The following IL4R variants were observed in gnomAD, a reference collection of about 807,000 sequenced individuals.
The protein encoded by IL4R is interleukin 4 receptor, also known as interleukin-4 receptor subunit alpha.
Under a neutral mutation model 41.5 loss-of-function variants are expected in IL4R, and 17 were observed. The ratio of observed to expected loss-of-function variants is 0.41; its 90% CI spans 0.28 to 0.61. The LOEUF is 0.61. IL4R is among the 20% of genes least tolerant of loss of function. The pLI, the probability that IL4R is intolerant of heterozygous loss-of-function variation, is 0.31. For synonymous variants in IL4R, 402 were observed against 422.9 expected, an observed-to-expected ratio of 0.95 and a Z score of 0.61; for missense variants, 974 against 1,043.1, an observed-to-expected ratio of 0.93 and a Z score of 0.91.
Position 27,341,051 on chromosome 16 carries a change from C to G in IL4R, c.70+778C>G, listed in dbSNP as rs1221794368. On this transcript the variant is annotated intron_variant, in intron 3 of 10. Transcript: ENST00000395762. Reference sequence around the variant, plus strand: ...CAGTGTTTGAGCAGAGGATCCATATCATCCATTATGTTCCAAAGGACTCTT... The same window carrying G: ...CAGTGTTTGAGCAGAGGATCCATATGATCCATTATGTTCCAAAGGACTCTT... 3 of 651,072 alleles carry G rather than the reference C, an allele frequency of 4.6e-6. No individual in the cohort carries two copies. In the Admixed American group the frequency reaches 6.4e-5, roughly 14 times the overall value. The allele number at this position is 651,072 out of a possible 1,614,324, so 40.3% of individuals were successfully genotyped here. A position where few individuals can be genotyped will look rare whatever the true frequency, so the allele number is the denominator to read the frequency against.
chr16:27,342,247 T>C lies in IL4R; in HGVS notation c.197T>C (p.Phe66Ser). The change falls in exon 4 of 11, where the codon TTT (phenylalanine) becomes TCT (serine). Residue 66 changes from phenylalanine (F) to serine (S), a missense_variant. Coordinates refer to ENST00000395762, the MANE Select transcript of IL4R (RefSeq NM_000418.4). ...TELRLLYQLVFLLSEAHTCIP... is the reference protein window; with the variant it reads ...TELRLLYQLVSLLSEAHTCIP... ...CTCCGCCTGTTGTACCAGCTGGTTTTTCTGCTCTCCGAGTAAGCCTGCGCT... is the reference window on the plus strand; with the variant it reads ...CTCCGCCTGTTGTACCAGCTGGTTTCTCTGCTCTCCGAGTAAGCCTGCGCT... The C allele has an allele frequency of 5.6e-6, 9 of 1,614,224 alleles. No individual in the cohort carries two copies. The highest frequency in any genetic ancestry group is 6.8e-6 in the Non-Finnish European group (8 of 1,180,020).
At chr16:27,320,019 A>G (rs899192325) in intron 1 of IL4R, among the ~76,000 whole-genome samples, 2 of 152,068 alleles carry the variant, frequency 1.3e-5, no homozygotes, top group African/African-American at 4.8e-5. Flanking sequence ...GGCCTGTGCT[A>G]TCACACCCAG....
At chr16:27,341,165 C>T in intron 3 of IL4R, 2 of 694,794 alleles carry the variant, frequency 2.9e-6, no homozygotes, top group Non-Finnish European at 5.3e-6. Context: ...CTCCGGATCC[C>T]TCTGGGAGGT....
chr16:27,362,926 A>G lies in IL4R; in HGVS notation c.1574A>G (p.Glu525Gly). 6.2e-7 allele frequency: 1 copy of G among 1,614,112 alleles called. No homozygotes were observed. The highest frequency in any genetic ancestry group is 1.3e-5 in the African/African-American group (1 of 75,036). ...PDPLLARHLE[E>G]VEPEMPCVPQ... ...CCACTGCTGGCCAGACACCTGGAGG[A>G]AGTAGAACCCGAGATGCCCTGTGTC... Residue 525 changes from glutamate to glycine, a missense_variant, in exon 11 of 11, where the codon GAA becomes GGA. Physicochemically the swap from Glu to Gly is moderately conservative, Grantham distance 98. This residue lies in a region of IL4R where 682 missense variants were observed against 704.3 expected (regional missense o/e 0.97). Coordinates refer to ENST00000395762, the MANE Select transcript of IL4R (RefSeq NM_000418.4).
chr16:27,341,614 C>G (rs3024539), intron 3 of IL4R, among the ~76,000 whole-genome samples: 3,061 of 152,226 alleles, frequency 0.02, 99 homozygotes, highest in African/African-American at 0.069. Context: ...TCCATCTCCT[C>G]TCTCCCATTG....
chr16:27,337,309 G>A (rs12445247), intron 2 of IL4R, among the ~76,000 whole-genome samples: 60,821 of 151,682 alleles, frequency 0.4, 13,145 homozygotes, highest in Non-Finnish European at 0.46. Flanking sequence ...TGCACACAGT[G>A]CTTCAGAGGC....
intron 3 of IL4R, chr16:27,341,265 A>G (rs1359489112): frequency 1.6e-6 from 1 of 640,138 alleles, no homozygotes; most frequent in Admixed American, 2.4e-5. Flanking sequence ...AACTACTGGG[A>G]AGGACGCGGT....
intron 1 of IL4R, among the ~76,000 whole-genome samples, chr16:27,328,057 A>G (rs2085009648): frequency 6.6e-6 from 1 of 151,768 alleles, no homozygotes; most frequent in South Asian, 2.1e-4. Flanking sequence ...TAAAAATACA[A>G]AAATTAGCCA....
At chr16:27,320,161 G>A (rs768063215) in intron 1 of IL4R, among the ~76,000 whole-genome samples, 18 of 152,094 alleles carry the variant, frequency 1.2e-4, no homozygotes, top group South Asian at 2.1e-4. Flanking sequence ...GCCACTGCAC[G>A]CGGCCCTGGG....
rs139061387 is a variant in IL4R at position 27,362,431 on chromosome 16, G to A, written c.1079G>A (p.Arg360Gln). ...TGGCCAGAGAGCATCAGCGTGGTGC[G>A]ATGTGTGGAGTTGTTTGAGGCCCCG... ...VLWPESISVV[R>Q]CVELFEAPVE... Residue 360 changes from arginine (R) to glutamine (Q), a missense_variant, in exon 11 of 11, where the codon CGA (arginine) becomes CAA (glutamine). Coordinates refer to ENST00000395762, the MANE Select transcript of IL4R (RefSeq NM_000418.4). 5.4e-5 allele frequency: 87 copies of A among 1,614,030 alleles called. No homozygotes were observed. The highest frequency in any genetic ancestry group is 6.7e-5 in the Admixed American group (4 of 60,002).
rs1014468977 is a variant in IL4R, at chr16:27,346,553, G to T, written c.448G>T (p.Asp150Tyr). The change falls in exon 6 of 11, where the codon GAC becomes TAC. Residue 150 changes from aspartate to tyrosine, a missense_variant. Asp to Tyr is a radical substitution (Grantham distance 160). Around this residue, in one of 3 missense-constraint regions of IL4R, gnomAD observed 284 missense variants for 313.4 expected, o/e 0.91. Transcript: ENST00000395762. ...LLTWSNPYPP[D>Y]NYLYNHLTYA... ...GACCTGGAGCAACCCGTATCCCCCT[G>T]ACAATTACCTGTATAATCATCTCAC... 2 of 1,613,966 alleles carry T rather than the reference G, an allele frequency of 1.2e-6. No individual in the cohort carries two copies. Among genetic ancestry groups the T allele is most frequent in the Admixed American group, 1.7e-5 (1 of 60,020 alleles).
chr16:27,362,231 G>T lies in IL4R; in HGVS notation c.900-21G>T. The T allele has an allele frequency of 1.9e-6, 3 of 1,609,726 alleles. No individual in the cohort carries two copies. In the South Asian group the frequency reaches 3.3e-5, roughly 18 times the overall value. ...TTTTCAAGTGTCGAAACTGAACCCT[G>T]ACCAACCTTTGCTTTTGCAGACACT... On this transcript the variant is annotated intron_variant, in intron 10 of 10. Transcript: ENST00000395762.
intron 6 of IL4R, among the ~76,000 whole-genome samples, chr16:27,348,633 A>G (rs995399020): frequency 1.3e-5 from 2 of 152,162 alleles, no homozygotes; most frequent in African/African-American, 4.8e-5. Context: ...GACGGTTCTA[A>G]TAAGAGTCCT....
At chr16:27,359,948 G>A in intron 9 of IL4R, 1 of 412,718 alleles carries the variant, frequency 2.4e-6, no homozygotes, top group South Asian at 1.7e-5. Context: ...GGGCTGGGCT[G>A]GGCTGGGCAG....
chr16:27,315,071 C>T (rs997441470), intron 1 of IL4R, among the ~76,000 whole-genome samples: 34 of 152,232 alleles, frequency 2.2e-4, no homozygotes, highest in African/African-American at 7.9e-4. Context: ...CCCAGGCCAG[C>T]GCTAACCCTG....
In IL4R at chr16:27,328,620, C is replaced by G. The variant is rs1274225266; in HGVS notation, c.-151-1446C>G. On this transcript the variant is annotated intron_variant, in intron 1 of 10. Transcript: ENST00000395762. ...GCTATGCCTGTGTCAGGCACTGTTT[C>G]AGGCACTGGGGATAAAGCAGTGAGC... is the stretch of plus-strand genomic sequence containing the variant. Among the ~76,000 whole-genome samples, 5 of 152,200 alleles carry G rather than the reference C, an allele frequency of 3.3e-5. No individual in the cohort carries two copies. The East Asian group carries it at 9.6e-4, about 29-fold the overall frequency.
intron 6 of IL4R, among the ~76,000 whole-genome samples, chr16:27,347,091 C>T (rs1332185422): frequency 1.3e-5 from 2 of 152,350 alleles, no homozygotes; most frequent in African/African-American, 4.8e-5. Context: ...AGAGGCCACA[C>T]CCCAGGCTTA....
intron 1 of IL4R, among the ~76,000 whole-genome samples, chr16:27,323,682 G>A (rs1006535549): frequency 3.3e-5 from 5 of 151,636 alleles, no homozygotes; most frequent in Non-Finnish European, 7.4e-5. Flanking sequence ...TAGAGATAGG[G>A]TCTCACTCTG....
At chr16:27,349,234 C>A (rs1477655710) in intron 6 of IL4R, among the ~76,000 whole-genome samples, 2 of 152,178 alleles carry the variant, frequency 1.3e-5, no homozygotes, top group African/African-American at 4.8e-5. Context: ...GGAGTTCTGT[C>A]CTAAGCAGTG....
Sources: allele counts gnomAD v4.1 joint callset (sites outside exome capture counted in the v4.1 genomes callset), GRCh38; gene constraint gnomAD v4.1.1; regional missense constraint gnomAD v4.1.1; transcripts MANE v1.5; gene names NCBI Gene and HGNC (gene_info 2026-07-23, HGNC 2026-07-21).